Variants in PRKCB observed in about 807,000 individuals in gnomAD.
The protein encoded by PRKCB is protein kinase C beta type.
In PRKCB, 13 loss-of-function variants were observed where a neutral mutation model predicts 81.5. That is an observed-to-expected ratio of 0.16 (90% CI 0.10 to 0.25). The LOEUF (loss-of-function observed/expected upper bound fraction) is 0.25, where lower values mean the gene tolerates loss of function less well. Among genes scored for constraint, PRKCB ranks in the 10% least tolerant of loss-of-function variants. The probability of loss-of-function intolerance (pLI) is 1.00; values close to 1 mark genes in which losing one functional copy is unlikely to be tolerated. For missense variants in PRKCB, 509 were observed against 875.7 expected (o/e 0.58, Z 5.29); for synonymous variants, 335 against 321.4 (o/e 1.04, Z -0.45).
chr16:23,936,194 G>GT (rs372807417), intron 2 of PRKCB, among the ~76,000 whole-genome samples: 3,964 of 142,230 alleles, frequency 0.028, 181 homozygotes, highest in African/African-American at 0.089. Context: ...TCTCCACCTT[G>GT]TTTTTTTTTT....
chr16:23,928,563 A>T (rs999255100), intron 2 of PRKCB, among the ~76,000 whole-genome samples: 6 of 152,114 alleles, frequency 3.9e-5, no homozygotes, highest in Non-Finnish European at 5.9e-5. Flanking sequence ...GTCAGTGAAC[A>T]TCCATCACAG....
chr16:24,071,824 G>A (rs1317790945), intron 5 of PRKCB, among the ~76,000 whole-genome samples: 1 of 152,102 alleles, frequency 6.6e-6, no homozygotes, highest in Non-Finnish European at 1.5e-5. Context: ...AGTTATGGTG[G>A]GGGCCGAAGA....
intron 3 of PRKCB, among the ~76,000 whole-genome samples, chr16:24,023,931 T>C (rs1226748728): frequency 6.6e-6 from 1 of 152,196 alleles, no homozygotes; most frequent in African/African-American, 2.4e-5. Flanking sequence ...AAGGCAATTA[T>C]AGATATCTTG....
chr16:24,116,367 A>G (rs74013138), intron 8 of PRKCB, among the ~76,000 whole-genome samples: 6,687 of 152,146 alleles, frequency 0.044, 476 homozygotes, highest in African/African-American at 0.15. Context: ...GACCAGCCTC[A>G]GCAACATAGC....
At chr16:23,973,002 C>A (rs537302392) in intron 2 of PRKCB, among the ~76,000 whole-genome samples, 1 of 152,236 alleles carries the variant, frequency 6.6e-6, no homozygotes, top group Admixed American at 6.5e-5. Flanking sequence ...AATGTGTTGT[C>A]ACATTTAATC....
chr16:24,077,822 G>A (rs1385895431), intron 5 of PRKCB, among the ~76,000 whole-genome samples: 1 of 152,206 alleles, frequency 6.6e-6, no homozygotes, highest in Non-Finnish European at 1.5e-5. Flanking sequence ...GTCTGAGAAT[G>A]TGCCTCTCAG....
chr16:24,218,531 T>C lies in PRKCB; in HGVS notation c.*3715T>C, dbSNP rs1007685831. On this transcript the variant is annotated 3_prime_UTR_variant, in exon 17 of 17. Coordinates refer to ENST00000643927, the MANE Select transcript of PRKCB (RefSeq NM_002738.7). ...CCCACCTCACTCCCACACCCTCACATAGACTTGGCAAGAGTAAGGAGGGAA... is the reference window on the plus strand; with the variant it reads ...CCCACCTCACTCCCACACCCTCACACAGACTTGGCAAGAGTAAGGAGGGAA... 8.1e-6 allele frequency: 8 copies of C among 985,286 alleles called. No homozygotes were observed. Among genetic ancestry groups the C allele is most frequent in the Non-Finnish European group, 8.4e-6 (7 of 829,942 alleles). 61.0% of individuals were successfully genotyped at this position (985,286 alleles called of 1,614,324 possible).
intron 8 of PRKCB, among the ~76,000 whole-genome samples, chr16:24,123,103 T>C (rs1966821508): frequency 6.6e-6 from 1 of 152,194 alleles, no homozygotes; most frequent in Non-Finnish European, 1.5e-5. Context: ...CTCCAGTATT[T>C]ATGGGAAGAG....
chr16:23,902,728 T>TCCTCCCTCCCCCCCCC (rs1482776399), intron 2 of PRKCB, among the ~76,000 whole-genome samples: 2 of 20,340 alleles, frequency 9.8e-5, no homozygotes, highest in Non-Finnish European at 1.7e-4. Flanking sequence ...CTCCCTCCCT[T>TCCTCCCTCCCCCCCCC]CCTCCCTTCC....
intron 2 of PRKCB, among the ~76,000 whole-genome samples, chr16:23,947,749 C>T (rs768099922): frequency 8.5e-5 from 13 of 152,074 alleles, no homozygotes; most frequent in Non-Finnish European, 1.6e-4. Flanking sequence ...GATTGGGGCA[C>T]AGGAATCTTC....
intron 2 of PRKCB, among the ~76,000 whole-genome samples, chr16:23,969,205 C>T (rs1426763411): frequency 6.6e-6 from 1 of 152,064 alleles, no homozygotes; most frequent in Non-Finnish European, 1.5e-5. Context: ...TCCTCCTTCC[C>T]CTGCAGTGGG....
At chr16:24,201,575 C>T (rs895010943) in intron 16 of PRKCB, among the ~76,000 whole-genome samples, 2 of 152,144 alleles carry the variant, frequency 1.3e-5, no homozygotes, top group African/African-American at 4.8e-5. Context: ...GGGAATTGCT[C>T]ACTGCACCAG....
chr16:23,992,537 G>T (rs1964900165), intron 3 of PRKCB, among the ~76,000 whole-genome samples: 1 of 152,112 alleles, frequency 6.6e-6, no homozygotes, highest in Non-Finnish European at 1.5e-5. Flanking sequence ...GAAAACTAAG[G>T]CATATAATGA....
At chr16:24,028,853 C>T (rs914639273) in intron 3 of PRKCB, among the ~76,000 whole-genome samples, 9 of 151,954 alleles carry the variant, frequency 5.9e-5, no homozygotes, top group East Asian at 5.8e-4. Context: ...TGCAGTAGCA[C>T]GATCTCGGCT....
intron 16 of PRKCB, among the ~76,000 whole-genome samples, chr16:24,210,502 CT>C (rs34059803): frequency 2.1e-3 from 307 of 143,776 alleles, no homozygotes; most frequent in Middle Eastern, 3.6e-3. Flanking sequence ...CTTTCTTCTT[CT>C]TTTTTTTTTT....
Position 24,120,502 on chromosome 16 carries a change from C to G in PRKCB, c.919-3333C>G, listed in dbSNP as rs73548439. ...GATCTCAACATGCCTGAAATCACAC[C>G]GGTCATCTCTGCCCACCCTCTTCCC... is the stretch of plus-strand genomic sequence containing the variant. On this transcript the variant is annotated intron_variant, in intron 8 of 16. Transcript: ENST00000643927. 3.9e-3 allele frequency among the ~76,000 whole-genome samples: 597 copies of G among 152,214 alleles called. 3 individuals are homozygous for G. Among genetic ancestry groups the G allele is most frequent in the African/African-American group, 0.013 (540 of 41,526 alleles).
intron 16 of PRKCB, among the ~76,000 whole-genome samples, chr16:24,210,055 G>A (rs191305760): frequency 6.6e-6 from 1 of 152,146 alleles, no homozygotes; most frequent in Non-Finnish European, 1.5e-5. Flanking sequence ...GTTTGAGGCT[G>A]CAGTGAGCTG....
At chr16:24,213,581 C>T (rs1968179661) in intron 16 of PRKCB, among the ~76,000 whole-genome samples, 1 of 152,180 alleles carries the variant, frequency 6.6e-6, no homozygotes, top group Admixed American at 6.5e-5. Flanking sequence ...ATAGCAAATG[C>T]ATAATAAATA....
At position 23,882,023 on chromosome 16, in the gene PRKCB, TTC is replaced by T. The variant is rs1555481690; in HGVS notation, c.205+44618_205+44619del. Among the ~76,000 whole-genome samples, 234 of 93,472 alleles carry T rather than the reference TTC, an allele frequency of 2.5e-3. 8 individuals are homozygous for T. Among genetic ancestry groups the T allele is most frequent in the South Asian group, 3.0e-3 (8 of 2,670 alleles). 61.3% of individuals were successfully genotyped at this position (93,472 alleles called of 152,430 possible). A position where few individuals can be genotyped will look rare whatever the true frequency, so the allele number is the denominator to read the frequency against. On this transcript the variant is annotated intron_variant, in intron 2 of 16. Transcript: ENST00000643927. ...CTTTCTTTCTTTCTTTCTTTCTTTCTTCCTTCCTTCCTTCCTTCCTTCCTTCC... is the reference window on the plus strand; with the variant it reads ...CTTTCTTTCTTTCTTTCTTTCTTTCTCTTCCTTCCTTCCTTCCTTCCTTCC...
Sources: gnomAD v4.1 joint callset for allele counts (sites outside exome capture counted in the v4.1 genomes callset) on GRCh38, gnomAD v4.1.1 for gene constraint, MANE v1.5 for transcripts, NCBI Gene and HGNC (gene_info 2026-07-23, HGNC 2026-07-21) for gene names.